Variants in RBMS2 observed in about 807,000 individuals in gnomAD.
RBMS2 encodes the protein RNA-binding motif, single-stranded-interacting protein 2.
Under a neutral mutation model 58.4 loss-of-function variants are expected in RBMS2, and 38 were observed. That is an observed-to-expected ratio of 0.65 (90% CI 0.50 to 0.85). The LOEUF (loss-of-function observed/expected upper bound fraction) is 0.85. RBMS2 is among the 40% of genes least tolerant of loss of function. The pLI is 0.00. For synonymous variants in RBMS2, 151 were observed against 180.7 expected (o/e 0.84, Z 1.32); for missense variants, 367 against 503.7 (o/e 0.73, Z 2.60).
chr12:56,588,802 T>C, intron 12 of RBMS2, 130 bp from the exon 13 acceptor site: 2 of 801,272 alleles, frequency 2.5e-6, no homozygotes, highest in Non-Finnish European at 4.3e-6. Flanking sequence ...GTGGAAACAC[T>C]CACACATGAG....
At chr12:56,578,941 G>A (rs1883521430) in intron 5 of RBMS2, among the ~76,000 whole-genome samples, 2 of 152,062 alleles carry the variant, frequency 1.3e-5, no homozygotes, top group African/African-American at 2.4e-5. Context: ...TCCAGCCTGG[G>A]CAACAGAGCG....
intron 2 of RBMS2, among the ~76,000 whole-genome samples, chr12:56,565,572 A>G (rs1881200603): frequency 6.6e-6 from 1 of 152,124 alleles, no homozygotes; most frequent in Non-Finnish European, 1.5e-5. Flanking sequence ...CGAAGTAAGG[A>G]GCCCAAAAGG....
chr12:56,526,973 A>G (rs1294393462), intron 1 of RBMS2, among the ~76,000 whole-genome samples: 2 of 152,144 alleles, frequency 1.3e-5, no homozygotes, highest in Non-Finnish European at 1.5e-5. Context: ...CTTTTCATAC[A>G]TTTCTATTTC....
intron 1 of RBMS2, among the ~76,000 whole-genome samples, chr12:56,525,485 G>A (rs1050588248): frequency 2.0e-5 from 3 of 152,096 alleles, no homozygotes; most frequent in South Asian, 2.1e-4. Context: ...GGTTCCCAAC[G>A]TGCTGGGATT....
rs71081373 is a variant in RBMS2 at position 56,530,350 on chromosome 12, CTTTTTTTTT to C, written c.66+8281_66+8289del. Among the ~76,000 whole-genome samples the C allele has an allele frequency of 1.9e-4, 12 of 63,780 alleles. No homozygotes were observed. In the South Asian group the frequency reaches 1.9e-3, roughly 10 times the overall value. The allele number at this position is 63,780 out of a possible 152,430, so 41.8% of individuals were successfully genotyped here. A position where few individuals can be genotyped will look rare whatever the true frequency, so the allele number is the denominator to read the frequency against. On this transcript the variant is annotated intron_variant, in intron 1 of 13. Transcript: ENST00000262031. ...CTGTCAAGAGAGAATTTTCTTTTTCCTTTTTTTTTTTTTTTTTTTTTTTTTTTTGAGGCA... is the reference window on the plus strand; with the variant it reads ...CTGTCAAGAGAGAATTTTCTTTTTCCTTTTTTTTTTTTTTTTTTTGAGGCA...
At chr12:56,560,406 G>T (rs1304387550) in intron 1 of RBMS2, among the ~76,000 whole-genome samples, 1 of 151,700 alleles carries the variant, frequency 6.6e-6, no homozygotes, top group Non-Finnish European at 1.5e-5. Flanking sequence ...ACAGGTGCAT[G>T]CCACCACACC....
At chr12:56,588,436 C>T (rs1884981834) in intron 12 of RBMS2, 62 bp downstream of exon 12, 1 of 1,422,464 alleles carries the variant, frequency 7.0e-7, no homozygotes, top group African/African-American at 1.4e-5. Flanking sequence ...AGGTTTCCCC[C>T]TGATCAAGAT....
intron 2 of RBMS2, among the ~76,000 whole-genome samples, chr12:56,562,788 C>T (rs1880662501): frequency 6.6e-6 from 1 of 152,174 alleles, no homozygotes; most frequent in Non-Finnish European, 1.5e-5. Flanking sequence ...TTTGTTTCTA[C>T]TCCATAGACA....
chr12:56,524,339 C>T (rs1216897752), intron 1 of RBMS2, among the ~76,000 whole-genome samples: 1 of 152,114 alleles, frequency 6.6e-6, no homozygotes, highest in East Asian at 1.9e-4. Flanking sequence ...TGTATCTGTG[C>T]ATCACTCTGT....
chr12:56,565,858 C>T (rs1268502035), intron 2 of RBMS2, among the ~76,000 whole-genome samples: 3 of 152,084 alleles, frequency 2.0e-5, no homozygotes, highest in African/African-American at 7.2e-5. Flanking sequence ...TCCTGTTTCT[C>T]GGAGGGGCTC....
Position 56,567,440 on chromosome 12 carries a change from G to GGAAGAAGAAGAAGAAAGAAGAAGAAGGAA in RBMS2, c.234-1517_234-1489dup, listed in dbSNP as rs1565763032. 2.7e-4 allele frequency among the ~76,000 whole-genome samples: 40 copies of GGAAGAAGAAGAAGAAAGAAGAAGAAGGAA among 149,720 alleles called. 3 individuals are homozygous for GGAAGAAGAAGAAGAAAGAAGAAGAAGGAA. In the South Asian group the frequency reaches 8.5e-3, roughly 32 times the overall value. ...GAGGAGAAGAGGAAGAGGAAGGAGA[G>GGAAGAAGAAGAAGAAAGAAGAAGAAGGAA]GAAGAAGAAGAAGAAAGAAGAAGAA... On this transcript the variant is annotated intron_variant, in intron 2 of 13. Coordinates refer to ENST00000262031, the MANE Select transcript of RBMS2 (RefSeq NM_002898.4).
At chr12:56,557,746 T>C (rs1008173124) in intron 1 of RBMS2, among the ~76,000 whole-genome samples, 41 of 149,736 alleles carry the variant, frequency 2.7e-4, no homozygotes, top group African/African-American at 5.1e-5. Context: ...CTTTTCTTTT[T>C]TTTTTTTTTG....
At position 56,587,284 on chromosome 12, in the gene RBMS2, C is replaced by A. The variant is rs114623485; in HGVS notation, c.952-270C>A. On this transcript the variant is annotated intron_variant, in intron 10 of 13. Transcript: ENST00000262031. ...CTCCGTCTCAAAAAAAAAAAAAAGG[C>A]CTTTGATGCCAGGAGATGTGGGTGT... Among the ~76,000 whole-genome samples, 376 of 150,814 alleles carry A rather than the reference C, an allele frequency of 2.5e-3. 1 individual carries two copies. Among genetic ancestry groups the A allele is most frequent in the African/African-American group, 9.0e-3 (371 of 41,148 alleles).
chr12:56,544,190 C>G (rs956310447), intron 1 of RBMS2, among the ~76,000 whole-genome samples: 1 of 151,906 alleles, frequency 6.6e-6, no homozygotes, highest in Admixed American at 6.6e-5. Context: ...GCAGGAGACT[C>G]GTTTGAACCC....
At chr12:56,552,481 T>G (rs1053263830) in intron 1 of RBMS2, among the ~76,000 whole-genome samples, 16 of 152,156 alleles carry the variant, frequency 1.1e-4, no homozygotes, top group African/African-American at 3.9e-4. Context: ...CCCAGAAGCA[T>G]CACTCCCTTC....
chr12:56,590,941 T>C lies in RBMS2; in HGVS notation c.*1808T>C, dbSNP rs1030906132. ...AGCTAGGGTAGCAAAGAGCAATAAA[T>C]TCCAACTCTTTATGAGGTCAGGAGT... On this transcript the variant is annotated 3_prime_UTR_variant, in exon 14 of 14. Coordinates refer to ENST00000262031, the MANE Select transcript of RBMS2 (RefSeq NM_002898.4). 1 of 152,158 alleles carries C rather than the reference T, an allele frequency of 6.6e-6. No homozygotes were observed. The highest frequency in any genetic ancestry group is 1.5e-5 in the Non-Finnish European group (1 of 68,042). 9.4% of individuals were successfully genotyped at this position (152,158 alleles called of 1,614,324 possible).
chr12:56,574,385 G>T (rs1882809013), intron 5 of RBMS2, among the ~76,000 whole-genome samples: 1 of 152,108 alleles, frequency 6.6e-6, no homozygotes, highest in African/African-American at 2.4e-5. Flanking sequence ...TTCCTGTTAC[G>T]TATTGGTTTT....
intron 1 of RBMS2, among the ~76,000 whole-genome samples, chr12:56,547,490 G>A (rs1338239751): frequency 6.6e-6 from 1 of 152,138 alleles, no homozygotes; most frequent in Non-Finnish European, 1.5e-5. Flanking sequence ...GGCACATAAT[G>A]AGTCTCTGTC....
chr12:56,575,898 GA>G (rs80050555), intron 5 of RBMS2, among the ~76,000 whole-genome samples: 1,862 of 132,386 alleles, frequency 0.014, 32 homozygotes, highest in African/African-American at 0.044. Context: ...CCATCTCAAA[GA>G]AAAAAAAAAA....
Sources: gnomAD v4.1 joint callset for allele counts (sites outside exome capture counted in the v4.1 genomes callset) on GRCh38, gnomAD v4.1.1 for gene constraint, MANE v1.5 for transcripts, NCBI Gene and HGNC (gene_info 2026-07-23, HGNC 2026-07-21) for gene names.